LHFPL3: variants seen among roughly 807,000 people sequenced by gnomAD.
LHFPL3 encodes the protein LHFPL tetraspan subfamily member 3 protein.
Under a neutral mutation model 19.3 loss-of-function variants are expected in LHFPL3, and 5 were observed. The observed-to-expected ratio is 0.26, with a 90% confidence interval of 0.14 to 0.54. LHFPL3 has a LOEUF of 0.54. Among genes scored for constraint, LHFPL3 ranks in the 20% least tolerant of loss-of-function variants. The pLI is 0.94. For missense variants in LHFPL3, 249 were observed against 307.4 expected (o/e 0.81, Z 1.42); for synonymous variants, 133 against 126.2 (o/e 1.05, Z -0.36).
intron 1 of LHFPL3, among the ~76,000 whole-genome samples, chr7:104,377,602 T>C (rs535478738): frequency 1.3e-5 from 2 of 152,288 alleles, no homozygotes; most frequent in African/African-American, 2.4e-5. Context: ...GAGGACAGTA[T>C]TGGCTTTGCT....
At chr7:104,537,708 T>C (rs965559853) in intron 1 of LHFPL3, among the ~76,000 whole-genome samples, 2 of 152,202 alleles carry the variant, frequency 1.3e-5, no homozygotes, top group Admixed American at 6.5e-5. Context: ...GTCATGAACA[T>C]TTTGGAACTC....
chr7:104,528,528 T>A lies in LHFPL3; in HGVS notation c.445+199304T>A, dbSNP rs577514223. On this transcript the variant is annotated intron_variant, in intron 1 of 2. Transcript: ENST00000424859. The stretch of plus-strand genomic sequence containing the variant: ...GCATACAGAATGATGGTCCCTGACA[T>A]CAACAAGGGAAGGGAAGAACTAGTT... 4.6e-5 allele frequency among the ~76,000 whole-genome samples: 7 copies of A among 152,262 alleles called. No homozygotes were observed. In the South Asian group the frequency reaches 1.2e-3, roughly 27 times the overall value.
chr7:104,808,670 G>C (rs987630428), intron 2 of LHFPL3, among the ~76,000 whole-genome samples: 2 of 152,192 alleles, frequency 1.3e-5, no homozygotes, highest in Non-Finnish European at 2.9e-5. Flanking sequence ...CGTTCTATTA[G>C]TGTGTGATTC....
intron 2 of LHFPL3, among the ~76,000 whole-genome samples, chr7:104,893,162 T>G (rs1205068572): frequency 6.6e-6 from 1 of 151,502 alleles, no homozygotes; most frequent in East Asian, 1.9e-4. Flanking sequence ...TGCAATAAGC[T>G]GTGATCATAC....
intron 1 of LHFPL3, among the ~76,000 whole-genome samples, chr7:104,371,139 T>C (rs1178619267): frequency 6.6e-6 from 1 of 152,212 alleles, no homozygotes; most frequent in Admixed American, 6.5e-5. Context: ...AAAGCTACGA[T>C]TGTTTTTCTG....
chr7:104,847,306 C>T (rs1791330984), intron 2 of LHFPL3, among the ~76,000 whole-genome samples: 1 of 152,128 alleles, frequency 6.6e-6, no homozygotes, highest in South Asian at 2.1e-4. Flanking sequence ...GTTAACAAGG[C>T]CAGGGAAGTC....
chr7:104,855,203 G>A (rs1438143183), intron 2 of LHFPL3, among the ~76,000 whole-genome samples: 3 of 152,194 alleles, frequency 2.0e-5, no homozygotes, highest in South Asian at 2.1e-4. Context: ...GAGACACCGT[G>A]TCATGATGGA....
At chr7:104,530,910 A>G (rs1438995421) in intron 1 of LHFPL3, among the ~76,000 whole-genome samples, 2 of 152,212 alleles carry the variant, frequency 1.3e-5, no homozygotes, top group Non-Finnish European at 2.9e-5. Flanking sequence ...ATATCGATTT[A>G]CACATACACT....
chr7:104,834,569 C>G (rs1791054902), intron 2 of LHFPL3, among the ~76,000 whole-genome samples: 1 of 151,994 alleles, frequency 6.6e-6, no homozygotes, highest in Non-Finnish European at 1.5e-5. Context: ...AGTTCAGCTG[C>G]TGAAGTGTCG....
At chr7:104,885,102 G>C (rs1195419578) in intron 2 of LHFPL3, among the ~76,000 whole-genome samples, 2 of 152,180 alleles carry the variant, frequency 1.3e-5, no homozygotes, top group Non-Finnish European at 2.9e-5. Flanking sequence ...CCCAGCCACT[G>C]ATCTTTCCAC....
chr7:104,816,593 A>T (rs1790563623), intron 2 of LHFPL3, among the ~76,000 whole-genome samples: 1 of 152,176 alleles, frequency 6.6e-6, no homozygotes, highest in Non-Finnish European at 1.5e-5. Context: ...CATAAAGGAG[A>T]TGTTGGCTTT....
At chr7:104,668,009 G>A (rs1792392275) in intron 1 of LHFPL3, 5 of 1,613,644 alleles carry the variant, frequency 3.1e-6, no homozygotes, top group South Asian at 2.2e-5. Context: ...ATATCGACCG[G>A]AGCCGTCTTC....
chr7:104,609,052 G>T (rs1389110685), intron 1 of LHFPL3, among the ~76,000 whole-genome samples: 1 of 151,948 alleles, frequency 6.6e-6, no homozygotes, highest in Non-Finnish European at 1.5e-5. Context: ...GGATCACAAG[G>T]TCAGGAGTTT....
intron 1 of LHFPL3, among the ~76,000 whole-genome samples, chr7:104,704,639 CT>C (rs58666984): frequency 0.98 from 139,392 of 142,404 alleles, 68,244 homozygotes; most frequent in South Asian, 1. Context: ...TTCTTTATTT[CT>C]TTTTTTTTTT....
At chr7:104,442,129 T>C (rs1386023144) in intron 1 of LHFPL3, among the ~76,000 whole-genome samples, 1 of 152,132 alleles carries the variant, frequency 6.6e-6, no homozygotes, top group Non-Finnish European at 1.5e-5. Flanking sequence ...TGGTTTTGAT[T>C]TGCATTTCTC....
intron 2 of LHFPL3, among the ~76,000 whole-genome samples, chr7:104,905,903 C>T (rs1239874574): frequency 2.0e-5 from 3 of 152,184 alleles, no homozygotes; most frequent in Non-Finnish European, 4.4e-5. Flanking sequence ...TACTTGGGAA[C>T]AGTCCACATT....
chr7:104,473,644 G>A (rs1307587357), intron 1 of LHFPL3, among the ~76,000 whole-genome samples: 1 of 152,114 alleles, frequency 6.6e-6, no homozygotes. Flanking sequence ...TAACCACTCT[G>A]TGCCTCATTT....
chr7:104,783,070 T>C (rs556871280), intron 2 of LHFPL3, among the ~76,000 whole-genome samples: 1 of 152,360 alleles, frequency 6.6e-6, no homozygotes, highest in African/African-American at 2.4e-5. Context: ...AACTGGGAAC[T>C]TAACTCGAAA....
At chr7:104,667,943 G>T (rs1465913144) in intron 1 of LHFPL3, 12 of 1,613,318 alleles carry the variant, frequency 7.4e-6, no homozygotes, top group Non-Finnish European at 9.3e-6. Context: ...TGTACAGGGC[G>T]CCTCCAATTG....
Sources: allele counts gnomAD v4.1 joint callset (sites outside exome capture counted in the v4.1 genomes callset), GRCh38; gene constraint gnomAD v4.1.1; transcripts MANE v1.5; gene names NCBI Gene and HGNC (gene_info 2026-07-23, HGNC 2026-07-21).